Variants in TASOR observed in about 807,000 individuals in gnomAD.
The protein encoded by TASOR is protein TASOR.
TASOR carries 53 observed loss-of-function variants against 178.6 expected under a neutral mutation model. That is an observed-to-expected ratio of 0.30 (90% CI 0.24 to 0.37). TASOR has a LOEUF of 0.37. Ranked by LOEUF, TASOR falls within the 10% of genes least tolerant of loss-of-function variation. TASOR has a pLI of 1.00. For missense variants in TASOR, 1,815 were observed against 1,971.4 expected, an observed-to-expected ratio of 0.92 and a Z score of 1.50; for synonymous variants, 713 against 696.2, an observed-to-expected ratio of 1.02 and a Z score of -0.38.
rs748747835 is a variant in TASOR at position 56,641,623 on chromosome 3, G to A, written c.2345C>T (p.Ala782Val). 20 of 1,614,004 alleles carry A rather than the reference G, an allele frequency of 1.2e-5. No individual in the cohort carries two copies. The highest frequency in any genetic ancestry group is 5.5e-5 in the South Asian group (5 of 91,084). Residue 782 changes from alanine to valine, a missense_variant, in exon 15 of 24, where the codon GCG becomes GTG. Physicochemically the swap from Ala to Val is moderately conservative, Grantham distance 64. Coordinates refer to ENST00000683822, the MANE Select transcript of TASOR (RefSeq NM_001365635.2). ...TGTCAGAGATGCATCAGAATGGCGC[G>A]CATTTGCTAGTGTTTCTGATAACCA... The part of the protein sequence containing the change: ...FNWLSETLAN[A>V]RHSDASLTDT...
At position 56,671,712 on chromosome 3, in the gene TASOR, T is replaced by C. The variant is rs1234744612; in HGVS notation, c.478-20A>G. The C allele has an allele frequency of 2.0e-5, 30 of 1,490,980 alleles. No individual in the cohort carries two copies. Among genetic ancestry groups the C allele is most frequent in the Non-Finnish European group, 2.6e-5 (29 of 1,097,932 alleles). The allele number at this position is 1,490,980 out of a possible 1,614,324, so 92.4% of individuals were successfully genotyped here. On this transcript the variant is annotated intron_variant, in intron 2 of 23. Coordinates refer to ENST00000683822, the MANE Select transcript of TASOR (RefSeq NM_001365635.2). Reference sequence around the variant, plus strand: ...TGTAAACTAAATGAAATTAAAACTATAACAACTACTTAGCATGTGATTATG... The same window carrying C: ...TGTAAACTAAATGAAATTAAAACTACAACAACTACTTAGCATGTGATTATG...
chr3:56,670,468 G>GT (rs1209004516), intron 3 of TASOR, among the ~76,000 whole-genome samples: 1 of 152,060 alleles, frequency 6.6e-6, no homozygotes, highest in East Asian at 1.9e-4. Context: ...AGCCTCCCAA[G>GT]TAACTAGAAC....
intron 1 of TASOR, among the ~76,000 whole-genome samples, chr3:56,676,683 A>G (rs1255782663): frequency 6.6e-6 from 1 of 152,224 alleles, no homozygotes; most frequent in African/African-American, 2.4e-5. Flanking sequence ...AGTCTACATA[A>G]AAGAAATTTT....
chr3:56,674,228 T>C (rs953131996), intron 1 of TASOR, among the ~76,000 whole-genome samples: 5 of 139,602 alleles, frequency 3.6e-5, no homozygotes, highest in African/African-American at 1.3e-4. Context: ...AAAAAAAGCT[T>C]GGTGGCTCAT....
At chr3:56,626,200 C>A (rs914814914) in intron 21 of TASOR, among the ~76,000 whole-genome samples, 1 of 152,126 alleles carries the variant, frequency 6.6e-6, no homozygotes, top group Non-Finnish European at 1.5e-5. Flanking sequence ...GTGTCCCAAA[C>A]ATGCCTGATT....
intron 4 of TASOR, 28 bp downstream of exon 4, chr3:56,670,045 A>T: frequency 7.1e-7 from 1 of 1,405,694 alleles, no homozygotes; most frequent in Non-Finnish European, 9.7e-7. Context: ...AGTAGTAGAT[A>T]TTTATATTTA....
chr3:56,671,415 G>GA (rs1214512574), intron 3 of TASOR, 185 bp downstream of exon 3: 5 of 515,998 alleles, frequency 9.7e-6, no homozygotes, highest in East Asian at 6.2e-5. Flanking sequence ...ACTGGTCAGA[G>GA]AAAAAACTGA....
chr3:56,640,766 G>C (rs1235851570), intron 15 of TASOR, among the ~76,000 whole-genome samples: 1 of 152,182 alleles, frequency 6.6e-6, no homozygotes, highest in African/African-American at 2.4e-5. Flanking sequence ...GTGATGCAGT[G>C]ACTGCTTAAG....
In TASOR at chr3:56,640,882, T is replaced by A. The variant is rs2077107362; in HGVS notation, c.2619+467A>T. 2.6e-5 allele frequency among the ~76,000 whole-genome samples: 4 copies of A among 152,322 alleles called. No homozygotes were observed. In the South Asian group the frequency reaches 8.3e-4, roughly 32 times the overall value. On this transcript the variant is annotated intron_variant, in intron 15 of 23. Transcript: ENST00000683822. ...CTGAGAGTCACTTCAGGGGTAATCC[T>A]AAAGGCTGCTTATGTTCCATTCCTA...
chr3:56,657,635 G>C (rs2077501042), intron 11 of TASOR, among the ~76,000 whole-genome samples: 1 of 152,170 alleles, frequency 6.6e-6, no homozygotes, highest in Non-Finnish European at 1.5e-5. Flanking sequence ...TTACAGCAAA[G>C]AGAGGTTCCT....
At chr3:56,680,873 A>G (rs1336161060) in intron 1 of TASOR, among the ~76,000 whole-genome samples, 1 of 152,122 alleles carries the variant, frequency 6.6e-6, no homozygotes, top group African/African-American at 2.4e-5. Flanking sequence ...GTACAAGACT[A>G]TGGGGGACAA....
rs147475042 is a variant in TASOR at position 56,679,139 on chromosome 3, T to C, written c.331+3537A>G. Among the ~76,000 whole-genome samples, 11 of 152,338 alleles carry C rather than the reference T, an allele frequency of 7.2e-5. 1 individual carries two copies. Among genetic ancestry groups the C allele is most frequent in the Non-Finnish European group, 1.0e-4 (7 of 68,026 alleles). On this transcript the variant is annotated intron_variant, in intron 1 of 23. Transcript: ENST00000683822. ...AGAAGAGGCTGAGGATCTGAAATTT[T>C]CTGAATTCACAGCTGACGCCTATTA...
rs980457616 is a variant in TASOR, at chr3:56,682,917, C to G, written c.90G>C (p.Ala30=). 2.6e-6 allele frequency: 4 copies of G among 1,539,248 alleles called. No individual in the cohort carries two copies. The African/African-American group carries it at 5.5e-5, about 21-fold the overall frequency. Reference sequence around the variant, plus strand: ...GTTGGGAGGACTCAAGCTCCGGAAGCGCCTGCTTCATCTCGTCGTCTCCGC... The same window carrying G: ...GTTGGGAGGACTCAAGCTCCGGAAGGGCCTGCTTCATCTCGTCGTCTCCGC... The part of the protein sequence containing the change: ...GGGGDDEMKQ[A]LPELESSQQN... The change falls in exon 1 of 24, where the codon GCG becomes GCC. Residue 30 remains alanine (A), a synonymous_variant. Coordinates refer to ENST00000683822, the MANE Select transcript of TASOR (RefSeq NM_001365635.2).
Position 56,669,741 on chromosome 3 carries a change from T to G in TASOR, c.694A>C (p.Thr232Pro). The change falls in exon 5 of 24, where the codon ACG becomes CCG. Residue 232 changes from threonine to proline, a missense_variant. Coordinates refer to ENST00000683822, the MANE Select transcript of TASOR (RefSeq NM_001365635.2). ...ADLLQANPLD[T>P]GAMGDVVIFK... The stretch of plus-strand genomic sequence containing the variant: ...ATAACAACATCACCCATTGCCCCCG[T>G]GTCCAAAGGATTCGCTTGTAATAAA... 1 of 1,549,880 alleles carries G rather than the reference T, an allele frequency of 6.5e-7. No individual in the cohort carries two copies. Among genetic ancestry groups the G allele is most frequent in the Admixed American group, 2.0e-5 (1 of 50,808 alleles).
rs1381287678 is a variant in TASOR at position 56,669,661 on chromosome 3, TG to T, written c.735+38del. On this transcript the variant is annotated intron_variant, in intron 5 of 23. Coordinates refer to ENST00000683822, the MANE Select transcript of TASOR (RefSeq NM_001365635.2). ...TCTAAAAATTAAAATCCAAATCAAGTGTAGTTTTTCATACATGAAGTGTGTA... is the reference window on the plus strand; with the variant it reads ...TCTAAAAATTAAAATCCAAATCAAGTTAGTTTTTCATACATGAAGTGTGTA... 5 of 1,243,580 alleles carry T rather than the reference TG, an allele frequency of 4.0e-6. No homozygotes were observed. In the East Asian group the frequency reaches 1.0e-4, roughly 26 times the overall value. The allele number at this position is 1,243,580 out of a possible 1,614,324, so 77.0% of individuals were successfully genotyped here. A position where few individuals can be genotyped will look rare whatever the true frequency, so the allele number is the denominator to read the frequency against.
At chr3:56,646,494 CT>C (rs770634486) in intron 14 of TASOR, 27 bp downstream of exon 14, 1 of 1,532,542 alleles carries the variant, frequency 6.5e-7, no homozygotes, top group Non-Finnish European at 8.8e-7. Flanking sequence ...TTATTTTTGG[CT>C]GTTATAAGAG....
chr3:56,642,956 A>G (rs2077157335), intron 14 of TASOR, among the ~76,000 whole-genome samples: 1 of 151,830 alleles, frequency 6.6e-6, no homozygotes, highest in South Asian at 2.1e-4. Context: ...AGCCTGGGCA[A>G]CAGAGCGAGA....
chr3:56,676,272 GT>G (rs1306469780), intron 1 of TASOR, among the ~76,000 whole-genome samples: 5 of 152,148 alleles, frequency 3.3e-5, no homozygotes, highest in Non-Finnish European at 7.4e-5. Flanking sequence ...TTTAAAAATG[GT>G]AACAATATAT....
In TASOR at chr3:56,623,493, T is replaced by C; in HGVS notation, c.4557A>G (p.Glu1519=). 1 of 1,612,838 alleles carries C rather than the reference T, an allele frequency of 6.2e-7. No homozygotes were observed. Among genetic ancestry groups the C allele is most frequent in the African/African-American group, 1.3e-5 (1 of 75,046 alleles). The change falls in exon 24 of 24, where the codon GAA becomes GAG. Residue 1519 remains glutamate (E), a synonymous_variant. Coordinates refer to ENST00000683822, the MANE Select transcript of TASOR (RefSeq NM_001365635.2). ...LDSGDEISHI[E]VCSNFHSEIW... ...TTTCTGAATGAAAATTGCTGCATAC[T>C]TCTATATGTGAGATTTCATCCCCTG... is the stretch of plus-strand genomic sequence containing the variant.
Sources: gnomAD v4.1 joint callset for allele counts (sites outside exome capture counted in the v4.1 genomes callset) on GRCh38, gnomAD v4.1.1 for gene constraint, MANE v1.5 for transcripts, NCBI Gene and HGNC (gene_info 2026-07-23, HGNC 2026-07-21) for gene names.